The following SYNE2 variants were observed in gnomAD, a reference collection of about 807,000 sequenced individuals.
SYNE2 encodes spectrin repeat containing nuclear envelope protein 2.
In SYNE2, 431 loss-of-function variants were observed where a neutral mutation model predicts 856.3. The observed-to-expected ratio is 0.50, with a 90% CI of 0.47 to 0.55. SYNE2 has a LOEUF of 0.55. SYNE2 is among the 20% of genes least tolerant of loss of function. SYNE2 has a pLI of 0.00. For missense variants in SYNE2, 8,129 were observed against 8,023.2 expected, an observed-to-expected ratio of 1.01 and a Z score of -0.50; for synonymous variants, 2,923 against 2,872.3, an observed-to-expected ratio of 1.02 and a Z score of -0.56.
chr14:64,026,194 G>T (rs577702120), intron 41 of SYNE2, among the ~76,000 whole-genome samples: 1 of 152,254 alleles, frequency 6.6e-6, no homozygotes, highest in African/African-American at 2.4e-5. Flanking sequence ...TGACATGAGG[G>T]ACACTGTATT....
intron 11 of SYNE2, among the ~76,000 whole-genome samples, chr14:63,972,918 A>T (rs1250074393): frequency 6.6e-6 from 1 of 152,230 alleles, no homozygotes; most frequent in Non-Finnish European, 1.5e-5. Flanking sequence ...ATGTACAAGT[A>T]ATTAGACACA....
In SYNE2 at chr14:63,895,775, C is replaced by CAAA. The variant is rs10544076; in HGVS notation, c.-51-13305_-51-13303dup. ...GAGTGAGACCCTGTCTCCAAATCTC[C>CAAA]AAAAAAAAAAAAAAAAAAAACCTAG... On this transcript the variant is annotated intron_variant, in intron 1 of 115. Transcript: ENST00000555002. Among the ~76,000 whole-genome samples the CAAA allele has an allele frequency of 1.3e-3, 122 of 92,606 alleles. 1 individual carries two copies. Among genetic ancestry groups the CAAA allele is most frequent in the African/African-American group, 1.8e-3 (40 of 22,030 alleles). 60.8% of individuals were successfully genotyped at this position (92,606 alleles called of 152,430 possible).
chr14:64,156,460 C>CTTT (rs780034696), intron 85 of SYNE2, among the ~76,000 whole-genome samples: 36 of 144,682 alleles, frequency 2.5e-4, no homozygotes, highest in African/African-American at 7.9e-4. Flanking sequence ...TTTTTCTTTC[C>CTTT]TTTTTTTTTT....
chr14:63,831,549 C>CTTTT (rs1211983068), intron 1 of SYNE2, among the ~76,000 whole-genome samples: 1,048 of 69,600 alleles, frequency 0.015, no homozygotes, highest in East Asian at 0.017. Context: ...AATGTTCATT[C>CTTTT]TTTTTTTTTT....
intron 99 of SYNE2, among the ~76,000 whole-genome samples, chr14:64,195,163 A>G (rs1373158794): frequency 6.6e-6 from 1 of 152,196 alleles, no homozygotes; most frequent in Non-Finnish European, 1.5e-5. Flanking sequence ...AATCTGATGA[A>G]AGCGTTCAGT....
At chr14:64,007,430 G>A (rs1420698323) in intron 31 of SYNE2, among the ~76,000 whole-genome samples, 4 of 152,306 alleles carry the variant, frequency 2.6e-5, no homozygotes, top group East Asian at 1.9e-4. Context: ...GGTTCTCCAC[G>A]AAGCATAACA....
intron 93 of SYNE2, among the ~76,000 whole-genome samples, chr14:64,169,829 C>T (rs888727773): frequency 3.9e-5 from 6 of 152,168 alleles, no homozygotes; most frequent in African/African-American, 1.2e-4. Context: ...AAAGCATGCT[C>T]TTTATTGCTA....
chr14:64,216,932 G>T (rs2140300349), intron 108 of SYNE2, among the ~76,000 whole-genome samples: 1 of 152,102 alleles, frequency 6.6e-6, no homozygotes, highest in Non-Finnish European at 1.5e-5. Context: ...CACCATGTTG[G>T]CCAGGCTGGT....
chr14:64,087,257 T>A lies in SYNE2; in HGVS notation c.11485-414T>A, dbSNP rs112401742. Reference sequence around the variant, plus strand: ...GTGTAAGTGAATGTTCTTTCTCCTATCAGTTATTTTTTATGGAATTACCTG... The same window carrying A: ...GTGTAAGTGAATGTTCTTTCTCCTAACAGTTATTTTTTATGGAATTACCTG... On this transcript the variant is annotated intron_variant, in intron 57 of 115. Transcript: ENST00000555002. Among the ~76,000 whole-genome samples, 677 of 152,306 alleles carry A rather than the reference T, an allele frequency of 4.4e-3. 4 individuals carry two copies. Among genetic ancestry groups the A allele is most frequent in the African/African-American group, 0.015 (641 of 41,578 alleles).
At position 64,139,044 on chromosome 14, in the gene SYNE2, C is replaced by T. The variant is rs539242969; in HGVS notation, c.14844-897C>T. ...TGTCACCCAGGCTGGAGTGCAGTGG[C>T]GTGATCGTGGCTCACTGCAGCCTTG... On this transcript the variant is annotated intron_variant, in intron 79 of 115. Transcript: ENST00000555002. Among the ~76,000 whole-genome samples, 6 of 151,452 alleles carry T rather than the reference C, an allele frequency of 4.0e-5. No homozygotes were observed. The East Asian group carries it at 5.8e-4, about 15-fold the overall frequency.
At position 64,141,925 on chromosome 14, in the gene SYNE2, T is replaced by C. The variant is rs768102532; in HGVS notation, c.15160-17T>C. 2 of 1,613,578 alleles carry C rather than the reference T, an allele frequency of 1.2e-6. No homozygotes were observed. Among genetic ancestry groups the C allele is most frequent in the Admixed American group, 3.3e-5 (2 of 59,978 alleles). ...TTAACTGCAGGCAATTAAATGGAAA[T>C]CATTTTGTTCTTACAGCTTCAAATG... On this transcript the variant is annotated splice_polypyrimidine_tract_variant and intron_variant, in intron 81 of 115. Coordinates refer to ENST00000555002, the MANE Select transcript of SYNE2 (RefSeq NM_182914.3).
chr14:63,990,046 C>T (rs772280361), intron 19 of SYNE2, among the ~76,000 whole-genome samples: 2 of 152,162 alleles, frequency 1.3e-5, no homozygotes, highest in African/African-American at 2.4e-5. Flanking sequence ...AGATTATTTT[C>T]CAACAGCTAT....
chr14:63,962,271 G>C (rs1289401844), intron 9 of SYNE2, among the ~76,000 whole-genome samples: 3 of 151,958 alleles, frequency 2.0e-5, no homozygotes, highest in Non-Finnish European at 2.9e-5. Context: ...GGCCAGGCTG[G>C]TCTCGAACCC....
upstream of SYNE2, chr14:63,852,963 T>G (rs1436910228): frequency 6.7e-6 from 1 of 149,868 alleles, no homozygotes; most frequent in Non-Finnish European, 1.5e-5. Context: ...GCGCGGGGCG[T>G]GGTTTGCCGC....
chr14:63,897,952 G>T (rs1056197077), intron 1 of SYNE2, among the ~76,000 whole-genome samples: 5 of 152,160 alleles, frequency 3.3e-5, no homozygotes, highest in African/African-American at 1.2e-4. Flanking sequence ...ATTCTTCATG[G>T]AATGCATGGA....
chr14:64,174,333 A>T (rs753434615), intron 94 of SYNE2, among the ~76,000 whole-genome samples: 8 of 152,136 alleles, frequency 5.3e-5, no homozygotes, highest in Non-Finnish European at 1.2e-4. Flanking sequence ...TGGCCTCCCA[A>T]AGTGCTGGGA....
In SYNE2 at chr14:64,002,999, A is replaced by T. The variant is rs2096767221; in HGVS notation, c.4066A>T (p.Asn1356Tyr). The T allele has an allele frequency of 6.2e-7, 1 of 1,614,138 alleles. No individual in the cohort carries two copies. Among genetic ancestry groups the T allele is most frequent in the African/African-American group, 1.3e-5 (1 of 74,946 alleles). Reference protein sequence around the residue: ...SASDTQVAQENTLTVKNKEGE... With the variant: ...SASDTQVAQEYTLTVKNKEGE... Reference sequence around the variant, plus strand: ...CTCAGATACACAGGTGGCACAAGAAAATACGTTGACAGTAAAAAATAAAGA... The same window carrying T: ...CTCAGATACACAGGTGGCACAAGAATATACGTTGACAGTAAAAAATAAAGA... Residue 1356 changes from asparagine to tyrosine, a missense_variant, in exon 30 of 116, where the codon AAT becomes TAT. Physicochemically the swap from Asn to Tyr is moderately radical, Grantham distance 143. Coordinates refer to ENST00000555002, the MANE Select transcript of SYNE2 (RefSeq NM_182914.3).
At chr14:64,190,619 G>T in intron 99 of SYNE2, 1 of 702,202 alleles carries the variant, frequency 1.4e-6, no homozygotes, top group Non-Finnish European at 2.6e-6. Context: ...GATCAGGTAA[G>T]GGCACAGGCC....
At chr14:63,918,606 A>T (rs949186770) in intron 2 of SYNE2, among the ~76,000 whole-genome samples, 2 of 152,198 alleles carry the variant, frequency 1.3e-5, no homozygotes, top group Non-Finnish European at 2.9e-5. Context: ...CTGTGCGGTG[A>T]TGCATGTTGG....
Sources: gnomAD v4.1 joint callset for allele counts (sites outside exome capture counted in the v4.1 genomes callset) on GRCh38, gnomAD v4.1.1 for gene constraint, MANE v1.5 for transcripts, NCBI Gene and HGNC (gene_info 2026-07-23, HGNC 2026-07-21) for gene names.